Variants in MEGF11 observed in about 807,000 individuals in gnomAD.
MEGF11 encodes the protein multiple epidermal growth factor-like domains protein 11.
Under a neutral mutation model 146.6 loss-of-function variants are expected in MEGF11, and 126 were observed. The ratio of observed to expected loss-of-function variants is 0.86; its 90% CI spans 0.74 to 1.00. The LOEUF (loss-of-function observed/expected upper bound fraction) is 1.00. Ranked by LOEUF, MEGF11 falls within the 50% of genes least tolerant of loss-of-function variation. MEGF11 has a pLI of 0.00. For synonymous variants in MEGF11, 532 were observed against 583.4 expected, an observed-to-expected ratio of 0.91 and a Z score of 1.27; for missense variants, 1,509 against 1,521.2, an observed-to-expected ratio of 0.99 and a Z score of 0.13.
chr15:65,932,477 G>A (rs2079613949), intron 10 of MEGF11, among the ~76,000 whole-genome samples: 1 of 152,006 alleles, frequency 6.6e-6, no homozygotes, highest in Non-Finnish European at 1.5e-5. Context: ...TACAGGGTAG[G>A]AGACCAGGAA....
chr15:66,007,790 C>T (rs762023599), intron 5 of MEGF11, among the ~76,000 whole-genome samples: 3 of 152,154 alleles, frequency 2.0e-5, no homozygotes, highest in Non-Finnish European at 4.4e-5. Context: ...ACAGAGGGCA[C>T]ATTCTCATTA....
At chr15:66,058,711 C>T (rs1382584763) in intron 5 of MEGF11, among the ~76,000 whole-genome samples, 1 of 152,166 alleles carries the variant, frequency 6.6e-6, no homozygotes, top group Non-Finnish European at 1.5e-5. Context: ...TCATGCTATC[C>T]TCCCTCTTCG....
Position 65,896,385 on chromosome 15 carries a change from G to A in MEGF11, c.*1549C>T, listed in dbSNP as rs2078359747. ...TTGCTTTTTCTGATTATTGCCCAAA[G>A]TATTGTGTTCCATGGCAGGCTTCCA... On this transcript the variant is annotated 3_prime_UTR_variant, in exon 26 of 26. Coordinates refer to ENST00000395614, the MANE Select transcript of MEGF11 (RefSeq NM_001385028.1). 1 of 152,612 alleles carries A rather than the reference G, an allele frequency of 6.6e-6. No individual in the cohort carries two copies. The highest frequency in any genetic ancestry group is 2.4e-5 in the African/African-American group (1 of 41,430). The allele number at this position is 152,612 out of a possible 1,614,324, so 9.5% of individuals were successfully genotyped here.
chr15:65,960,751 C>T (rs952169892), intron 9 of MEGF11, among the ~76,000 whole-genome samples: 9 of 152,224 alleles, frequency 5.9e-5, no homozygotes, highest in South Asian at 2.1e-4. Flanking sequence ...ATCCATTACA[C>T]GCTCTTATTT....
chr15:66,111,921 A>C (rs542429354), intron 4 of MEGF11, among the ~76,000 whole-genome samples: 2 of 152,206 alleles, frequency 1.3e-5, no homozygotes, highest in Non-Finnish European at 2.9e-5. Context: ...AGCCTTTACC[A>C]AACACAGCAT....
At chr15:66,107,763 G>T (rs2087165196) in intron 4 of MEGF11, among the ~76,000 whole-genome samples, 1 of 152,128 alleles carries the variant, frequency 6.6e-6, no homozygotes. Flanking sequence ...TACTCCTTTG[G>T]GTATCCCTTG....
At chr15:66,097,892 C>G (rs1272089689) in intron 4 of MEGF11, among the ~76,000 whole-genome samples, 2 of 152,270 alleles carry the variant, frequency 1.3e-5, no homozygotes, top group East Asian at 3.9e-4. Context: ...AGCAGCAGAT[C>G]TGTCACTGAC....
intron 1 of MEGF11, among the ~76,000 whole-genome samples, chr15:66,179,854 G>T (rs1381823555): frequency 2.6e-5 from 2 of 78,108 alleles, no homozygotes; most frequent in African/African-American, 1.0e-4. Context: ...AACACCCTCC[G>T]ACACACAAAC....
At chr15:66,168,209 A>T in intron 1 of MEGF11, among the ~76,000 whole-genome samples, 1 of 151,034 alleles carries the variant, frequency 6.6e-6, no homozygotes, top group African/African-American at 2.4e-5. Flanking sequence ...TCAGCCTTCA[A>T]CTCCCCATGT....
At chr15:66,178,080 C>T (rs1439739446) in intron 1 of MEGF11, among the ~76,000 whole-genome samples, 6 of 152,110 alleles carry the variant, frequency 3.9e-5, no homozygotes, top group Non-Finnish European at 5.9e-5. Flanking sequence ...ACAGCCCCAC[C>T]GCCACTTTGC....
In MEGF11 at chr15:66,043,403, G is replaced by C. The variant is rs186977081; in HGVS notation, c.394+50999C>G. On this transcript the variant is annotated intron_variant, in intron 5 of 25. Coordinates refer to ENST00000395614, the MANE Select transcript of MEGF11 (RefSeq NM_001385028.1). ...CTGGGGGACTGAACTGGCCCCATCT[G>C]CTCTCCTGGCAGGACTTCTGAGGGA... 3.3e-5 allele frequency among the ~76,000 whole-genome samples: 5 copies of C among 152,354 alleles called. No homozygotes were observed. In the East Asian group the frequency reaches 9.6e-4, roughly 29 times the overall value.
chr15:65,979,775 T>C (rs558607732), intron 7 of MEGF11, among the ~76,000 whole-genome samples: 61 of 152,338 alleles, frequency 4.0e-4, no homozygotes, highest in Non-Finnish European at 1.6e-4. Flanking sequence ...CAGCCTCACA[T>C]GAGCCAGCCT....
chr15:66,033,078 C>CAAA (rs60932678), intron 5 of MEGF11, among the ~76,000 whole-genome samples: 3 of 80,644 alleles, frequency 3.7e-5, no homozygotes, highest in African/African-American at 1.1e-4. Flanking sequence ...GAGACTCCAT[C>CAAA]AAAAAAAAAA....
intron 1 of MEGF11, among the ~76,000 whole-genome samples, chr15:66,134,054 T>C (rs1237411221): frequency 6.6e-6 from 1 of 152,084 alleles, no homozygotes; most frequent in Non-Finnish European, 1.5e-5. Context: ...AATGGTACCA[T>C]GAGGGTTGCA....
At chr15:65,957,409 TC>T in intron 10 of MEGF11, 137 bp downstream of exon 10, 1 of 784,420 alleles carries the variant, frequency 1.3e-6, no homozygotes. Flanking sequence ...TCAGGGGCTC[TC>T]CCCTCATGAA....
intron 1 of MEGF11, among the ~76,000 whole-genome samples, chr15:66,151,484 T>A (rs1331654270): frequency 6.6e-6 from 1 of 152,106 alleles, no homozygotes; most frequent in Non-Finnish European, 1.5e-5. Context: ...CCTCCCCATC[T>A]CTGGGCCTGG....
intron 1 of MEGF11, among the ~76,000 whole-genome samples, chr15:66,171,677 G>A (rs898566405): frequency 5.3e-5 from 8 of 150,600 alleles, no homozygotes; most frequent in Admixed American, 2.0e-4. Flanking sequence ...CCCCAAAGCC[G>A]ATCTGCAAGA....
At chr15:66,135,783 T>G (rs75427642) in intron 1 of MEGF11, among the ~76,000 whole-genome samples, 387 of 152,334 alleles carry the variant, frequency 2.5e-3, no homozygotes, top group Non-Finnish European at 4.0e-3. Context: ...ATACTTCCCC[T>G]GCCCTTGGGT....
rs375283278 is a variant in MEGF11 at position 65,897,917 on chromosome 15, A to T, written c.*17T>A. The T allele has an allele frequency of 6.2e-6, 10 of 1,611,578 alleles. No homozygotes were observed. In the African/African-American group the frequency reaches 1.2e-4, roughly 19 times the overall value. ...AATATTCAGTAGAGCACACTGCAAG[A>T]GAGAAGCTTATCCCTCTTAAGATTG... On this transcript the variant is annotated 3_prime_UTR_variant, in exon 26 of 26. Coordinates refer to ENST00000395614, the MANE Select transcript of MEGF11 (RefSeq NM_001385028.1).
Sources: allele counts gnomAD v4.1 joint callset (sites outside exome capture counted in the v4.1 genomes callset), GRCh38; gene constraint gnomAD v4.1.1; transcripts MANE v1.5; gene names NCBI Gene and HGNC (gene_info 2026-07-23, HGNC 2026-07-21).